Variants in IRAG1 observed in about 807,000 individuals in gnomAD.
IRAG1 encodes inositol 1,4,5-triphosphate receptor associated 1.
Under a neutral mutation model 106.2 loss-of-function variants are expected in IRAG1, and 62 were observed. That is an observed-to-expected ratio of 0.58 (90% CI 0.48 to 0.72). The LOEUF (loss-of-function observed/expected upper bound fraction) is 0.72, where lower values mean the gene tolerates loss of function less well. Among genes scored for constraint, IRAG1 ranks in the 30% least tolerant of loss-of-function variants. IRAG1 has a pLI of 0.00. For synonymous variants in IRAG1, 462 were observed against 443.9 expected (o/e 1.04, Z -0.51); for missense variants, 1,064 against 1,140.7 (o/e 0.93, Z 0.97).
intron 4 of IRAG1, 30 bp from the exon 5 acceptor site, chr11:10,629,741 G>A (rs1856544332): frequency 1.2e-6 from 2 of 1,604,542 alleles, no homozygotes; most frequent in South Asian, 1.1e-5. Context: ...TGGGGTGAGA[G>A]CCACTGCATC....
intron 2 of IRAG1, among the ~76,000 whole-genome samples, chr11:10,641,625 C>A (rs1857516915): frequency 6.6e-6 from 1 of 152,198 alleles, no homozygotes; most frequent in South Asian, 2.1e-4. Context: ...CCAGACCCCC[C>A]TCGTGTTTTC....
At chr11:10,653,613 A>G (rs1858699554) in intron 1 of IRAG1, among the ~76,000 whole-genome samples, 1 of 152,002 alleles carries the variant, frequency 6.6e-6, no homozygotes, top group Admixed American at 6.6e-5. Flanking sequence ...TCACTTTGCC[A>G]CTCACTGGCT....
chr11:10,602,507 G>A (rs72862349), intron 14 of IRAG1, among the ~76,000 whole-genome samples: 5,405 of 152,256 alleles, frequency 0.035, 120 homozygotes, highest in Non-Finnish European at 0.041. Context: ...ATGGGGGGCC[G>A]GGGCGGGGCT....
At chr11:10,646,159 A>C (rs1426598951) in intron 2 of IRAG1, among the ~76,000 whole-genome samples, 1 of 152,142 alleles carries the variant, frequency 6.6e-6, no homozygotes, top group Non-Finnish European at 1.5e-5. Context: ...CCTCTTCTTA[A>C]AGGACAGACA....
At chr11:10,595,489 A>G (rs2134245980) in intron 15 of IRAG1, among the ~76,000 whole-genome samples, 1 of 152,246 alleles carries the variant, frequency 6.6e-6, no homozygotes, top group South Asian at 2.1e-4. Context: ...CAAGCTCTCT[A>G]TTCTTTTCTT....
At chr11:10,644,250 T>G (rs919745390) in intron 2 of IRAG1, among the ~76,000 whole-genome samples, 6 of 152,212 alleles carry the variant, frequency 3.9e-5, no homozygotes, top group African/African-American at 1.4e-4. Context: ...ACATAAACTC[T>G]CAGAGACTCC....
intron 1 of IRAG1, among the ~76,000 whole-genome samples, chr11:10,663,609 C>G (rs1260897324): frequency 1.3e-5 from 2 of 152,218 alleles, no homozygotes; most frequent in East Asian, 3.8e-4. Context: ...CTCCTCTGGT[C>G]TATGACAGCA....
intron 18 of IRAG1, chr11:10,586,011 G>GAAGCCCTCCATGAACCCCCA (rs1851936069): frequency 1.3e-5 from 2 of 151,052 alleles, no homozygotes; most frequent in Non-Finnish European, 3.0e-5. Context: ...GAATCCCCCT[G>GAAGCCCTCCATGAACCCCCA]CCTTTCTTTC....
At chr11:10,599,345 T>C (rs1218302218) in intron 15 of IRAG1, among the ~76,000 whole-genome samples, 1 of 152,230 alleles carries the variant, frequency 6.6e-6, no homozygotes, top group Non-Finnish European at 1.5e-5. Flanking sequence ...CATGGGTAAC[T>C]GCTCATCCTA....
rs1850671008 is a variant in IRAG1, at chr11:10,573,125, G to A, written c.*3207C>T. On this transcript the variant is annotated 3_prime_UTR_variant, in exon 21 of 21. Coordinates refer to ENST00000423302, the MANE Select transcript of IRAG1 (RefSeq NM_130385.4). The stretch of plus-strand genomic sequence containing the variant: ...AAATGTGCTTTTATTTTCAAACTCA[G>A]GTATGTGACACTCTACAGTTCAATG... 1 of 152,210 alleles carries A rather than the reference G, an allele frequency of 6.6e-6. No homozygotes were observed. Among genetic ancestry groups the A allele is most frequent in the South Asian group, 2.1e-4 (1 of 4,834 alleles). The allele number at this position is 152,210 out of a possible 1,614,324, so 9.4% of individuals were successfully genotyped here.
At chr11:10,609,266 C>A (rs1443584692) in intron 11 of IRAG1, among the ~76,000 whole-genome samples, 1 of 152,162 alleles carries the variant, frequency 6.6e-6, no homozygotes, top group East Asian at 1.9e-4. Flanking sequence ...TCTTTCAAAT[C>A]ATTCATTTGG....
At chr11:10,623,096 G>A (rs1855965591) in intron 10 of IRAG1, among the ~76,000 whole-genome samples, 3 of 152,236 alleles carry the variant, frequency 2.0e-5, no homozygotes, top group African/African-American at 7.2e-5. Context: ...CAGGTCACCT[G>A]AGTGGTAGCA....
chr11:10,666,972 T>C (rs1859830947), intron 1 of IRAG1, among the ~76,000 whole-genome samples: 1 of 152,164 alleles, frequency 6.6e-6, no homozygotes, highest in Admixed American at 6.5e-5. Context: ...TTTCCCAGGG[T>C]AGCCCCCAGG....
intron 10 of IRAG1, among the ~76,000 whole-genome samples, chr11:10,614,066 C>A (rs1350610144): frequency 6.6e-6 from 1 of 152,146 alleles, no homozygotes; most frequent in Admixed American, 6.5e-5. Flanking sequence ...ATTATTCAAA[C>A]TAGCCAACCC....
chr11:10,601,726 G>T (rs889240923), intron 14 of IRAG1, among the ~76,000 whole-genome samples: 2 of 152,226 alleles, frequency 1.3e-5, no homozygotes, highest in Non-Finnish European at 2.9e-5. Context: ...CTCCCTTAAA[G>T]TAAGAGAGTA....
chr11:10,626,689 G>T, intron 8 of IRAG1, 106 bp from the exon 9 acceptor site: 2 of 1,328,606 alleles, frequency 1.5e-6, no homozygotes, highest in Non-Finnish European at 2.0e-6. Context: ...TTGCCAAGGG[G>T]CCCATTTGTA....
Position 10,593,619 on chromosome 11 carries a change from C to G in IRAG1, c.2068-20G>C. On this transcript the variant is annotated intron_variant, in intron 16 of 20. Coordinates refer to ENST00000423302, the MANE Select transcript of IRAG1 (RefSeq NM_130385.4). ...CATATTCTGCAGGAAGAGAAGTGAC[C>G]AGGCTCACTGTCTTGGAGGTAGCAA... The G allele has an allele frequency of 6.3e-7, 1 of 1,580,126 alleles. No homozygotes were observed. Among genetic ancestry groups the G allele is most frequent in the Non-Finnish European group, 8.7e-7 (1 of 1,149,662 alleles).
chr11:10,580,839 T>G (rs372210785), intron 19 of IRAG1, among the ~76,000 whole-genome samples: 2 of 152,360 alleles, frequency 1.3e-5, no homozygotes, highest in Middle Eastern at 3.4e-3. Context: ...GGAAAAAATG[T>G]GGTGCAGGGT....
chr11:10,604,177 G>A (rs887218796), intron 13 of IRAG1, among the ~76,000 whole-genome samples: 3 of 152,216 alleles, frequency 2.0e-5, no homozygotes, highest in Non-Finnish European at 4.4e-5. Flanking sequence ...GCCCCCTTCT[G>A]AGAAGCTCCC....
Sources: gnomAD v4.1 joint callset for allele counts (sites outside exome capture counted in the v4.1 genomes callset) on GRCh38, gnomAD v4.1.1 for gene constraint, MANE v1.5 for transcripts, NCBI Gene and HGNC (gene_info 2026-07-23, HGNC 2026-07-21) for gene names.